SHTN1: variants seen among roughly 807,000 people sequenced by gnomAD.
The protein encoded by SHTN1 is shootin 1, also known as shootin-1.
A neutral mutation model predicts 83.1 loss-of-function variants in SHTN1; 42 were observed. That is an observed-to-expected ratio of 0.51 (90% confidence interval 0.39 to 0.65). The LOEUF (loss-of-function observed/expected upper bound fraction) is 0.65, where lower values mean the gene tolerates loss of function less well. Among genes scored for constraint, SHTN1 ranks in the 30% least tolerant of loss-of-function variants. The probability of loss-of-function intolerance (pLI) is 0.00; values close to 1 mark genes in which losing one functional copy is unlikely to be tolerated. For missense variants in SHTN1, 622 were observed against 737.8 expected (o/e 0.84, Z 1.82); for synonymous variants, 224 against 247.7 (o/e 0.90, Z 0.90).
chr10:116,931,440 G>C (rs1005104570), intron 9 of SHTN1, among the ~76,000 whole-genome samples: 19 of 152,018 alleles, frequency 1.2e-4, no homozygotes, highest in Admixed American at 1.2e-3. Flanking sequence ...GTAGAGACAG[G>C]GTTTCACCAC....
At chr10:116,979,900 T>G (rs1017769975) in intron 1 of SHTN1, among the ~76,000 whole-genome samples, 5 of 152,172 alleles carry the variant, frequency 3.3e-5, no homozygotes, top group African/African-American at 1.2e-4. Context: ...AGCAAAAAAT[T>G]TATGAAGGAT....
chr10:117,061,135 C>CTTTTTTTTTTTT (rs5788206), intron 1 of SHTN1, among the ~76,000 whole-genome samples: 1 of 127,264 alleles, frequency 7.9e-6, no homozygotes, highest in African/African-American at 2.8e-5. Flanking sequence ...AAGCTTTAGT[C>CTTTTTTTTTTTT]TTTTTTTTTT....
chr10:116,986,058 A>G (rs1851207749), intron 1 of SHTN1, among the ~76,000 whole-genome samples: 1 of 152,254 alleles, frequency 6.6e-6, no homozygotes, highest in Non-Finnish European at 1.5e-5. Context: ...CAGTTAATAA[A>G]TTAATGATAC....
At chr10:117,060,132 G>A (rs1380260712) in intron 1 of SHTN1, among the ~76,000 whole-genome samples, 1 of 152,078 alleles carries the variant, frequency 6.6e-6, no homozygotes, top group African/African-American at 2.4e-5. Context: ...AGGATCACTT[G>A]AGCCCAGAAT....
At chr10:116,897,385 T>C (rs1290776865) in intron 16 of SHTN1, among the ~76,000 whole-genome samples, 1 of 152,202 alleles carries the variant, frequency 6.6e-6, no homozygotes, top group Non-Finnish European at 1.5e-5. Flanking sequence ...CTTTACCAAG[T>C]GAACACATTG....
chr10:116,963,728 T>C (rs1435341247), intron 3 of SHTN1, among the ~76,000 whole-genome samples: 1 of 152,212 alleles, frequency 6.6e-6, no homozygotes, highest in Non-Finnish European at 1.5e-5. Flanking sequence ...TTGGCAACTG[T>C]TGCAGCCAGA....
At position 117,086,031 on chromosome 10, in the gene SHTN1, C is replaced by G. The variant is rs552077798; in HGVS notation, c.-188-37521G>C. Reference sequence around the variant, plus strand: ...CACCTCCCGGGTTCAAGCGATTCTCCTGCCTCAGCCTCCTGAGTAGCTGGC... The same window carrying G: ...CACCTCCCGGGTTCAAGCGATTCTCGTGCCTCAGCCTCCTGAGTAGCTGGC... On this transcript the variant is annotated intron_variant, in intron 1 of 17. Coordinates refer to the SHTN1 transcript ENST00000392901. Among the ~76,000 whole-genome samples, 112 of 151,810 alleles carry G rather than the reference C, an allele frequency of 7.4e-4. 2 individuals are homozygous for G. In the South Asian group the frequency reaches 0.022, roughly 30 times the overall value.
At chr10:117,023,689 G>C (rs1470871589) in intron 2 of SHTN1, 2 of 152,656 alleles carry the variant, frequency 1.3e-5, no homozygotes, top group African/African-American at 4.8e-5. Flanking sequence ...CACAAAATTA[G>C]AACAGAATTC....
At chr10:116,911,650 G>T in intron 14 of SHTN1, 140 bp downstream of exon 14, 2 of 1,564,352 alleles carry the variant, frequency 1.3e-6, no homozygotes, top group South Asian at 2.3e-5. Flanking sequence ...CTGTAAGCAC[G>T]ATCAAATAAA....
At chr10:117,044,513 G>C (rs534050294) in intron 2 of SHTN1, among the ~76,000 whole-genome samples, 40 of 152,206 alleles carry the variant, frequency 2.6e-4, no homozygotes, top group Non-Finnish European at 5.1e-4. Context: ...TCTCAAAACT[G>C]CAATAAATAC....
intron 1 of SHTN1, among the ~76,000 whole-genome samples, chr10:117,048,837 T>C (rs987650443): frequency 6.6e-6 from 1 of 152,220 alleles, no homozygotes; most frequent in African/African-American, 2.4e-5. Flanking sequence ...TATTATGCAA[T>C]TGGACTTTGC....
At chr10:117,064,357 A>T (rs779352265) in intron 1 of SHTN1, among the ~76,000 whole-genome samples, 53 of 152,272 alleles carry the variant, frequency 3.5e-4, no homozygotes, top group Non-Finnish European at 6.6e-4. Context: ...CTTGCCTCTC[A>T]CTAGAAATGT....
intron 11 of SHTN1, among the ~76,000 whole-genome samples, chr10:116,926,069 A>G (rs1274016431): frequency 2.6e-5 from 4 of 152,174 alleles, no homozygotes; most frequent in African/African-American, 7.2e-5. Context: ...AATAAAAATC[A>G]TATTATTCAA....
intron 12 of SHTN1, among the ~76,000 whole-genome samples, chr10:116,918,522 T>C (rs932534277): frequency 5.9e-5 from 9 of 152,192 alleles, no homozygotes; most frequent in African/African-American, 1.7e-4. Flanking sequence ...GAATACATTA[T>C]AGTCGAATTA....
At position 117,110,332 on chromosome 10, in the gene SHTN1, ATTGTT is replaced by A. The variant is rs375735688; in HGVS notation, c.-189+15970_-189+15974del. Among the ~76,000 whole-genome samples the A allele has an allele frequency of 6.1e-4, 93 of 152,108 alleles. 1 individual carries two copies. The highest frequency in any genetic ancestry group is 1.9e-3 in the African/African-American group (77 of 41,510). ...CAGTCTTGAATTTTTTTCAACTTGA[ATTGTT>A]TTGTTTTGTTTTGTTTTTGTTTTTG... On this transcript the variant is annotated intron_variant, in intron 1 of 17. Coordinates refer to the SHTN1 transcript ENST00000392901.
chr10:117,020,057 G>A (rs1447255655), intron 2 of SHTN1, among the ~76,000 whole-genome samples: 1 of 151,886 alleles, frequency 6.6e-6, no homozygotes, highest in Non-Finnish European at 1.5e-5. Flanking sequence ...TGTATGGCAA[G>A]GCAACAGATC....
intron 2 of SHTN1, among the ~76,000 whole-genome samples, chr10:116,978,708 T>G (rs1564910425): frequency 6.6e-6 from 1 of 152,070 alleles, no homozygotes; most frequent in Non-Finnish European, 1.5e-5. Flanking sequence ...ATTTAACAGT[T>G]AAAACAAAAC....
intron 16 of SHTN1, among the ~76,000 whole-genome samples, chr10:116,888,842 T>G (rs768692961): frequency 1.6e-4 from 24 of 152,226 alleles, no homozygotes; most frequent in Non-Finnish European, 2.8e-4. Context: ...CTAAATCTCA[T>G]GCAGATTTAT....
At chr10:116,992,645 T>C (rs1431121790) in intron 1 of SHTN1, among the ~76,000 whole-genome samples, 1 of 152,232 alleles carries the variant, frequency 6.6e-6, no homozygotes, top group Non-Finnish European at 1.5e-5. Context: ...TAGTATTACC[T>C]GAGAAACTAT....
Sources: allele counts gnomAD v4.1 joint callset (sites outside exome capture counted in the v4.1 genomes callset), GRCh38; gene constraint gnomAD v4.1.1; transcripts MANE v1.5; gene names NCBI Gene and HGNC (gene_info 2026-07-23, HGNC 2026-07-21).